Variants in PAK5 observed in about 807,000 individuals in gnomAD.
The protein encoded by PAK5 is p21 (RAC1) activated kinase 5.
In PAK5, 16 loss-of-function variants were observed where a neutral mutation model predicts 65.9. The observed-to-expected ratio is 0.24, with a 90% CI of 0.16 to 0.37. The LOEUF (loss-of-function observed/expected upper bound fraction) is 0.37, where lower values mean the gene tolerates loss of function less well. Ranked by LOEUF, PAK5 falls within the 10% of genes least tolerant of loss-of-function variation. The probability of loss-of-function intolerance (pLI) is 1.00; values close to 1 mark genes in which losing one functional copy is unlikely to be tolerated. For synonymous variants in PAK5, 371 were observed against 354.9 expected (o/e 1.05, Z -0.51); for missense variants, 785 against 903.9 (o/e 0.87, Z 1.69).
intron 3 of PAK5, among the ~76,000 whole-genome samples, chr20:9,633,170 G>T (rs16996186): frequency 0.15 from 23,336 of 151,906 alleles, 1,928 homozygotes; most frequent in East Asian, 0.29. Flanking sequence ...GTCATCTAAG[G>T]CATATTCTTA....
At chr20:9,827,966 G>A (rs188572391) in intron 1 of PAK5, among the ~76,000 whole-genome samples, 3 of 152,144 alleles carry the variant, frequency 2.0e-5, no homozygotes, top group Non-Finnish European at 4.4e-5. Flanking sequence ...CAAGTAGCTG[G>A]GATCACAGGC....
chr20:9,538,090 C>A lies in PAK5; in HGVS notation c.*1372G>T, dbSNP rs1157339053. 1 of 232,986 alleles carries A rather than the reference C, an allele frequency of 4.3e-6. No homozygotes were observed. The highest frequency in any genetic ancestry group is 8.5e-6 in the Non-Finnish European group (1 of 117,758). 14.4% of individuals were successfully genotyped at this position (232,986 alleles called of 1,614,324 possible). A position where few individuals can be genotyped will look rare whatever the true frequency, so the allele number is the denominator to read the frequency against. ...ACTAATGATGACTATGTAGCTCTTC[C>A]AGAGTTTTAAAGGCAAATCTATATT... On this transcript the variant is annotated 3_prime_UTR_variant, in exon 10 of 10. Transcript: ENST00000353224.
chr20:9,758,859 T>C (rs2048665476), intron 1 of PAK5, among the ~76,000 whole-genome samples: 2 of 152,132 alleles, frequency 1.3e-5, no homozygotes, highest in South Asian at 2.1e-4. Context: ...GTCTACTTTG[T>C]CTTCTGCCTG....
intron 3 of PAK5, among the ~76,000 whole-genome samples, chr20:9,615,261 A>G (rs534582049): frequency 6.6e-6 from 1 of 152,330 alleles, no homozygotes; most frequent in East Asian, 1.9e-4. Flanking sequence ...CAGCTCAGAC[A>G]CTTGTCAAAA....
At chr20:9,670,851 G>C (rs1445569251) in intron 2 of PAK5, among the ~76,000 whole-genome samples, 1 of 152,150 alleles carries the variant, frequency 6.6e-6, no homozygotes, top group Non-Finnish European at 1.5e-5. Flanking sequence ...CCTTGCCCAT[G>C]CCTATGTCCT....
At chr20:9,592,209 G>A (rs1299191615) in intron 3 of PAK5, among the ~76,000 whole-genome samples, 2 of 152,164 alleles carry the variant, frequency 1.3e-5, no homozygotes, top group African/African-American at 4.8e-5. Context: ...TGGTGGATAA[G>A]GAATGAGGGT....
intron 1 of PAK5, among the ~76,000 whole-genome samples, chr20:9,755,483 C>A (rs1296009101): frequency 2.0e-5 from 3 of 152,294 alleles, no homozygotes; most frequent in African/African-American, 4.8e-5. Flanking sequence ...AGTCTTTGAC[C>A]TGCCCTGCTG....
intron 5 of PAK5, 138 bp downstream of exon 5, chr20:9,565,755 A>G: frequency 1.1e-6 from 1 of 869,670 alleles, no homozygotes; most frequent in South Asian, 1.7e-5. Context: ...ACTAGAAGGA[A>G]ATATTACAGG....
At chr20:9,746,998 G>A (rs981974573) in intron 1 of PAK5, among the ~76,000 whole-genome samples, 1 of 151,906 alleles carries the variant, frequency 6.6e-6, no homozygotes, top group Non-Finnish European at 1.5e-5. Context: ...AATGGTAAAG[G>A]GGATATCACC....
chr20:9,747,554 C>T (rs541960184), intron 1 of PAK5, among the ~76,000 whole-genome samples: 13 of 151,158 alleles, frequency 8.6e-5, no homozygotes, highest in South Asian at 6.3e-4. Flanking sequence ...TAAATGTAAT[C>T]CAGCATATAA....
intron 2 of PAK5, among the ~76,000 whole-genome samples, chr20:9,696,668 C>T (rs191190619): frequency 1.7e-3 from 262 of 152,080 alleles, no homozygotes; most frequent in African/African-American, 5.7e-3. Context: ...TGGACCCACA[C>T]AGTAATAATC....
intron 1 of PAK5, among the ~76,000 whole-genome samples, chr20:9,713,974 T>G (rs2048110361): frequency 6.6e-6 from 1 of 152,034 alleles, no homozygotes; most frequent in Non-Finnish European, 1.5e-5. Flanking sequence ...TAACCGTAAT[T>G]TACTGTATAT....
chr20:9,749,883 C>T (rs975998780), intron 1 of PAK5, among the ~76,000 whole-genome samples: 15 of 152,062 alleles, frequency 9.9e-5, no homozygotes, highest in Admixed American at 6.6e-5. Context: ...CCTTGCTGAC[C>T]AGTAACACTC....
chr20:9,824,614 G>A (rs1045273643), intron 1 of PAK5, among the ~76,000 whole-genome samples: 2 of 152,024 alleles, frequency 1.3e-5, no homozygotes, highest in Non-Finnish European at 1.5e-5. Flanking sequence ...GCTGTCCCAT[G>A]TGTATCTACA....
intron 3 of PAK5, among the ~76,000 whole-genome samples, chr20:9,623,233 G>C (rs1231552899): frequency 2.0e-5 from 3 of 152,074 alleles, no homozygotes; most frequent in African/African-American, 7.2e-5. Context: ...AATATTATTG[G>C]GGGAGTGAGT....
At chr20:9,830,951 T>A (rs1344929124) in intron 1 of PAK5, among the ~76,000 whole-genome samples, 1 of 152,186 alleles carries the variant, frequency 6.6e-6, no homozygotes, top group Non-Finnish European at 1.5e-5. Context: ...TTTGGTTTGG[T>A]TTTGGCTTTT....
intron 1 of PAK5, among the ~76,000 whole-genome samples, chr20:9,738,751 T>C (rs1277063397): frequency 1.3e-5 from 2 of 152,186 alleles, no homozygotes; most frequent in East Asian, 3.8e-4. Flanking sequence ...CTTGATTAAA[T>C]TGATGACTTC....
chr20:9,672,824 T>A (rs1240319762), intron 2 of PAK5, among the ~76,000 whole-genome samples: 1 of 152,174 alleles, frequency 6.6e-6, no homozygotes, highest in Non-Finnish European at 1.5e-5. Context: ...AGATAGGAAG[T>A]ATAGATACAA....
At chr20:9,781,593 A>G (rs1226665352) in intron 1 of PAK5, among the ~76,000 whole-genome samples, 2 of 152,142 alleles carry the variant, frequency 1.3e-5, no homozygotes, top group African/African-American at 2.4e-5. Flanking sequence ...CAAACTCAGC[A>G]TGCCTAAACC....
Sources: allele counts gnomAD v4.1 joint callset (sites outside exome capture counted in the v4.1 genomes callset), GRCh38; gene constraint gnomAD v4.1.1; transcripts MANE v1.5; gene names NCBI Gene and HGNC (gene_info 2026-07-23, HGNC 2026-07-21).